The following ATP8A2 variants were observed in gnomAD, a reference collection of about 807,000 sequenced individuals.
ATP8A2 encodes the protein ATPase phospholipid transporting 8A2, also known as phospholipid-transporting ATPase IB.
A neutral mutation model predicts 165.6 loss-of-function variants in ATP8A2; 100 were observed. The observed-to-expected ratio is 0.60, with a 90% CI of 0.51 to 0.71. ATP8A2 has a LOEUF of 0.71. Among genes scored for constraint, ATP8A2 ranks in the 30% least tolerant of loss-of-function variants. The probability of loss-of-function intolerance (pLI) is 0.00; values close to 1 mark genes in which losing one functional copy is unlikely to be tolerated. For synonymous variants in ATP8A2, 543 were observed against 548.8 expected, an observed-to-expected ratio of 0.99 and a Z score of 0.15; for missense variants, 1,227 against 1,479.5, an observed-to-expected ratio of 0.83 and a Z score of 2.80.
At chr13:25,934,120 T>C (rs996670493) in intron 33 of ATP8A2, among the ~76,000 whole-genome samples, 3 of 152,246 alleles carry the variant, frequency 2.0e-5, no homozygotes, top group Admixed American at 6.5e-5. Context: ...AAATACTTAG[T>C]GTCAGTTGCT....
At chr13:25,900,922 G>A (rs1295483094) in intron 33 of ATP8A2, among the ~76,000 whole-genome samples, 1 of 152,228 alleles carries the variant, frequency 6.6e-6, no homozygotes, top group Non-Finnish European at 1.5e-5. Context: ...CATGGAAGCA[G>A]CAGGAACACC....
intron 35 of ATP8A2, among the ~76,000 whole-genome samples, chr13:26,004,670 G>GAT (rs1956705563): frequency 6.6e-6 from 1 of 151,996 alleles, no homozygotes; most frequent in African/African-American, 2.4e-5. Flanking sequence ...ATTGTGTTGA[G>GAT]ATATATTCCC....
chr13:25,920,243 C>T (rs1212177875), intron 33 of ATP8A2, among the ~76,000 whole-genome samples: 1 of 152,196 alleles, frequency 6.6e-6, no homozygotes, highest in Non-Finnish European at 1.5e-5. Flanking sequence ...TAGATACTGG[C>T]TCATTCTTCC....
rs1472117546 is a variant in ATP8A2, at chr13:25,573,810, T to C, written c.1663-998T>C. ...CTCGGAACTCGTGGATCCAGAGAAG[T>C]GAATAAAGATTGATGAAGGCTGGAT... On this transcript the variant is annotated intron_variant, in intron 18 of 36. Coordinates refer to ENST00000381655, the MANE Select transcript of ATP8A2 (RefSeq NM_016529.6). Among the ~76,000 whole-genome samples, 6 of 151,912 alleles carry C rather than the reference T, an allele frequency of 3.9e-5. No individual in the cohort carries two copies. The East Asian group carries it at 1.2e-3, about 29-fold the overall frequency.
intron 29 of ATP8A2, 24 bp downstream of exon 29, chr13:25,837,309 C>T: frequency 6.2e-7 from 1 of 1,612,724 alleles, no homozygotes; most frequent in Non-Finnish European, 8.5e-7. Context: ...GATCTCAGAA[C>T]TGTCACCTCA....
At chr13:25,775,102 T>C (rs564341329) in intron 27 of ATP8A2, 143 bp downstream of exon 27, 19 of 573,254 alleles carry the variant, frequency 3.3e-5, no homozygotes, top group Non-Finnish European at 4.9e-5. Context: ...GGGTCACATG[T>C]AAGCTCCTGT....
intron 27 of ATP8A2, among the ~76,000 whole-genome samples, chr13:25,790,779 A>C (rs905594627): frequency 6.6e-6 from 1 of 152,188 alleles, no homozygotes; most frequent in African/African-American, 2.4e-5. Flanking sequence ...ATACAAAATA[A>C]AGCTCAACAT....
chr13:25,395,270 A>G (rs921318548), intron 1 of ATP8A2, among the ~76,000 whole-genome samples: 4 of 151,986 alleles, frequency 2.6e-5, no homozygotes, highest in African/African-American at 7.3e-5. Flanking sequence ...GTGTCCACTT[A>G]GTTACCAAAG....
At chr13:25,627,624 T>C (rs149041040) in intron 24 of ATP8A2, among the ~76,000 whole-genome samples, 13 of 152,312 alleles carry the variant, frequency 8.5e-5, no homozygotes, top group African/African-American at 2.4e-5. Flanking sequence ...CATAATTGGC[T>C]GACACCTTGA....
intron 2 of ATP8A2, among the ~76,000 whole-genome samples, chr13:25,512,333 C>A (rs1311068582): frequency 6.6e-6 from 1 of 152,070 alleles, no homozygotes; most frequent in Non-Finnish European, 1.5e-5. Flanking sequence ...CCCCACCTTT[C>A]CCCCCTTTCT....
chr13:25,734,593 A>G (rs1254196693), intron 25 of ATP8A2, among the ~76,000 whole-genome samples: 2 of 152,160 alleles, frequency 1.3e-5, no homozygotes, highest in African/African-American at 4.8e-5. Context: ...GCAACAGCCT[A>G]GTAGAGGGCC....
At chr13:25,601,980 C>A (rs1027958913) in intron 24 of ATP8A2, among the ~76,000 whole-genome samples, 1 of 152,108 alleles carries the variant, frequency 6.6e-6, no homozygotes, top group Non-Finnish European at 1.5e-5. Context: ...AAGGTTATTG[C>A]TAAAATTTTT....
In ATP8A2 at chr13:25,839,279, A is replaced by G. The variant is rs555196170; in HGVS notation, c.2878-267A>G. On this transcript the variant is annotated intron_variant, in intron 29 of 36. Coordinates refer to ENST00000381655, the MANE Select transcript of ATP8A2 (RefSeq NM_016529.6). ...GAGTGAATTTTTCACATGTGGATAG[A>G]TTGTGTTGGTCTGCATACATGTGAG... Among the ~76,000 whole-genome samples the G allele has an allele frequency of 4.6e-5, 7 of 152,250 alleles. No individual in the cohort carries two copies. The East Asian group carries it at 5.8e-4, about 13-fold the overall frequency.
chr13:25,651,126 TAC>T (rs2041801689), intron 24 of ATP8A2, among the ~76,000 whole-genome samples: 1 of 152,170 alleles, frequency 6.6e-6, no homozygotes. Flanking sequence ...AAATTTAAAC[TAC>T]TAAGTCAACT....
chr13:25,906,967 C>T (rs148873243), intron 33 of ATP8A2, among the ~76,000 whole-genome samples: 338 of 152,298 alleles, frequency 2.2e-3, no homozygotes, highest in African/African-American at 7.5e-3. Flanking sequence ...TGGTGGCTCA[C>T]GCCTGTAATC....
chr13:25,464,158 T>G (rs1374684866), intron 1 of ATP8A2, among the ~76,000 whole-genome samples: 2 of 152,196 alleles, frequency 1.3e-5, no homozygotes, highest in African/African-American at 4.8e-5. Flanking sequence ...GTCTGGCTTG[T>G]AGCATTTAAC....
intron 24 of ATP8A2, among the ~76,000 whole-genome samples, chr13:25,675,245 C>G (rs1435746720): frequency 6.6e-6 from 1 of 152,148 alleles, no homozygotes; most frequent in Non-Finnish European, 1.5e-5. Context: ...ATTGCATGAC[C>G]CGTAATACCA....
intron 1 of ATP8A2, among the ~76,000 whole-genome samples, chr13:25,438,309 A>G (rs2034836259): frequency 6.6e-6 from 1 of 152,200 alleles, no homozygotes; most frequent in Non-Finnish European, 1.5e-5. Flanking sequence ...AAAGATTTTC[A>G]CTTTCTACAA....
chr13:25,663,331 T>C (rs913662988), intron 24 of ATP8A2, among the ~76,000 whole-genome samples: 1 of 152,264 alleles, frequency 6.6e-6, no homozygotes, highest in Non-Finnish European at 1.5e-5. Flanking sequence ...TCAAGTTTGC[T>C]GTTTCCCTAC....
Sources: gnomAD v4.1 joint callset for allele counts (sites outside exome capture counted in the v4.1 genomes callset) on GRCh38, gnomAD v4.1.1 for gene constraint, MANE v1.5 for transcripts, NCBI Gene and HGNC (gene_info 2026-07-23, HGNC 2026-07-21) for gene names.